Variants in KCNU1 observed in about 807,000 individuals in gnomAD.
The protein encoded by KCNU1 is potassium calcium-activated channel subfamily U member 1.
A neutral mutation model predicts 126.8 loss-of-function variants in KCNU1; 93 were observed. That is an observed-to-expected ratio of 0.73 (90% confidence interval 0.62 to 0.87). The LOEUF is 0.87. Ranked by LOEUF, KCNU1 falls within the 40% of genes least tolerant of loss-of-function variation. The pLI, the probability that KCNU1 is intolerant of heterozygous loss-of-function variation, is 0.00. For missense variants in KCNU1, 1,330 were observed against 1,367.1 expected, an observed-to-expected ratio of 0.97 and a Z score of 0.43; for synonymous variants, 523 against 494.2, an observed-to-expected ratio of 1.06 and a Z score of -0.77.
intron 2 of KCNU1, among the ~76,000 whole-genome samples, chr8:36,796,653 A>C (rs1803110867): frequency 1.3e-5 from 2 of 152,172 alleles, no homozygotes; most frequent in South Asian, 4.1e-4. Flanking sequence ...TTTTGCTGGA[A>C]TATTTTAGAA....
At chr8:36,848,851 C>T (rs997229607) in intron 18 of KCNU1, among the ~76,000 whole-genome samples, 3 of 152,080 alleles carry the variant, frequency 2.0e-5, no homozygotes, top group African/African-American at 7.2e-5. Context: ...CTAGTCACCC[C>T]TTATCAACCT....
At chr8:36,833,757 T>C in intron 11 of KCNU1, 98 bp downstream of exon 11, 1 of 664,290 alleles carries the variant, frequency 1.5e-6, no homozygotes, top group South Asian at 2.0e-5. Flanking sequence ...TATTTCAGCT[T>C]CTTTAATTGG....
At chr8:36,827,009 A>G (rs1804350448) in intron 10 of KCNU1, among the ~76,000 whole-genome samples, 1 of 152,212 alleles carries the variant, frequency 6.6e-6, no homozygotes, top group Non-Finnish European at 1.5e-5. Flanking sequence ...GGCTTCTGCT[A>G]GATGTTACAT....
At chr8:36,902,137 T>C (rs1361695112) in intron 19 of KCNU1, among the ~76,000 whole-genome samples, 3 of 152,172 alleles carry the variant, frequency 2.0e-5, no homozygotes, top group Admixed American at 6.6e-5. Flanking sequence ...ACCAGATGGA[T>C]GCCTTTATGA....
At chr8:36,889,837 GA>G (rs921664351) in intron 19 of KCNU1, among the ~76,000 whole-genome samples, 64 of 151,508 alleles carry the variant, frequency 4.2e-4, no homozygotes, top group Middle Eastern at 3.2e-3. Flanking sequence ...AAACTGCTAA[GA>G]AAAAAAAGAG....
chr8:36,845,961 A>G (rs1483643992), intron 18 of KCNU1, 62 bp downstream of exon 18: 16 of 975,522 alleles, frequency 1.6e-5, no homozygotes, highest in East Asian at 2.6e-5. Context: ...CTGACGAAAG[A>G]GAAGAGGGTT....
chr8:36,893,790 T>C (rs960337918), intron 19 of KCNU1, among the ~76,000 whole-genome samples: 2 of 152,150 alleles, frequency 1.3e-5, no homozygotes, highest in Non-Finnish European at 2.9e-5. Context: ...TTGATAATTT[T>C]TTTGTCAATA....
At chr8:36,852,784 A>C (rs1382058006) in intron 18 of KCNU1, among the ~76,000 whole-genome samples, 5 of 151,580 alleles carry the variant, frequency 3.3e-5, no homozygotes, top group Non-Finnish European at 7.4e-5. Context: ...TTCATTTTTT[A>C]TTTTGGTAAC....
chr8:36,817,781 C>T, intron 10 of KCNU1, 21 bp downstream of exon 10: 1 of 1,186,922 alleles, frequency 8.4e-7, no homozygotes, highest in Non-Finnish European at 1.3e-6. Flanking sequence ...CTGTATGGCT[C>T]ATGGGTTCTA....
chr8:36,932,983 G>A lies in KCNU1; in HGVS notation c.2995G>A (p.Gly999Ser). ...AGATCTTTTTGGAATCCTGTGTGTT[G>A]GCTTATACCGAATAATTGATGAAGA... ...SLDLFGILCVGLYRIIDEEEL... is the reference protein window; with the variant it reads ...SLDLFGILCVSLYRIIDEEEL... The change falls in exon 26 of 27, where the codon GGC (glycine) becomes AGC (serine). Residue 999 changes from glycine (G) to serine (S), a missense_variant. Transcript: ENST00000399881. The A allele has an allele frequency of 6.4e-7, 1 of 1,573,800 alleles. No homozygotes were observed.
chr8:36,858,295 A>T (rs12544382), intron 18 of KCNU1, among the ~76,000 whole-genome samples: 53,194 of 150,098 alleles, frequency 0.35, 9,886 homozygotes, highest in Admixed American at 0.43. Context: ...TCTGAAGATT[A>T]TTTTTTTTTA....
At chr8:36,794,431 A>G (rs562090812) in intron 2 of KCNU1, among the ~76,000 whole-genome samples, 2 of 152,150 alleles carry the variant, frequency 1.3e-5, no homozygotes, top group Non-Finnish European at 2.9e-5. Context: ...AGTACAATTT[A>G]TACACATACA....
chr8:36,848,850 C>T (rs780952866), intron 18 of KCNU1, among the ~76,000 whole-genome samples: 55 of 152,070 alleles, frequency 3.6e-4, no homozygotes, highest in Non-Finnish European at 1.0e-4. Context: ...CCTAGTCACC[C>T]CTTATCAACC....
rs372724784 is a variant in KCNU1 at position 36,841,020 on chromosome 8, T to C, written c.1703+17T>C. ...TGGTTTCTGGTACCAATAAGTCTGC[T>C]CATCTCTTCAGTTGTTTTTTTTTTT... On this transcript the variant is annotated intron_variant, in intron 16 of 26. Transcript: ENST00000399881. 100 of 1,177,428 alleles carry C rather than the reference T, an allele frequency of 8.5e-5. No homozygotes were observed. The highest frequency in any genetic ancestry group is 1.2e-4 in the Non-Finnish European group (98 of 792,684). The allele number at this position is 1,177,428 out of a possible 1,614,324, so 72.9% of individuals were successfully genotyped here.
At chr8:36,886,199 T>C (rs904438211) in intron 19 of KCNU1, among the ~76,000 whole-genome samples, 1 of 152,206 alleles carries the variant, frequency 6.6e-6, no homozygotes, top group African/African-American at 2.4e-5. Flanking sequence ...TAGAGGAATT[T>C]AGAGCCTCTG....
At chr8:36,915,442 T>C (rs1456502441) in intron 22 of KCNU1, among the ~76,000 whole-genome samples, 12 of 152,224 alleles carry the variant, frequency 7.9e-5, no homozygotes, top group Non-Finnish European at 1.8e-4. Flanking sequence ...TATGGGTAAC[T>C]CACAGAGTAC....
chr8:36,846,046 G>A (rs1805132321), intron 18 of KCNU1, 147 bp downstream of exon 18: 2 of 612,118 alleles, frequency 3.3e-6, no homozygotes, highest in East Asian at 2.7e-5. Flanking sequence ...CCACACAAGA[G>A]GTGAGAATCA....
At chr8:36,814,010 G>A (rs1303195101) in intron 7 of KCNU1, among the ~76,000 whole-genome samples, 197 bp from the exon 8 acceptor site, 1 of 152,104 alleles carries the variant, frequency 6.6e-6, no homozygotes, top group Admixed American at 6.5e-5. Flanking sequence ...CACGATTAAG[G>A]AAACCAAGAC....
intron 19 of KCNU1, among the ~76,000 whole-genome samples, chr8:36,893,744 C>G (rs1807071564): frequency 6.6e-6 from 1 of 152,076 alleles, no homozygotes; most frequent in African/African-American, 2.4e-5. Flanking sequence ...TGTTTCAAGT[C>G]TCCAGTTTAT....
Sources: gnomAD v4.1 joint callset for allele counts (sites outside exome capture counted in the v4.1 genomes callset) on GRCh38, gnomAD v4.1.1 for gene constraint, MANE v1.5 for transcripts, NCBI Gene and HGNC (gene_info 2026-07-23, HGNC 2026-07-21) for gene names.